The following PHACTR3 variants were observed in gnomAD, a reference collection of about 807,000 sequenced individuals.
PHACTR3 encodes protein phosphatase 1, regulatory subunit 123.
Under a neutral mutation model 66.8 loss-of-function variants are expected in PHACTR3, and 16 were observed. The ratio of observed to expected loss-of-function variants is 0.24; its 90% CI spans 0.16 to 0.36. PHACTR3 has a LOEUF of 0.36. Among genes scored for constraint, PHACTR3 ranks in the 10% least tolerant of loss-of-function variants. The pLI is 1.00. For missense variants in PHACTR3, 647 were observed against 719.9 expected (o/e 0.90, Z 1.16); for synonymous variants, 323 against 292.1 (o/e 1.11, Z -1.08).
chr20:59,684,887 T>C (rs1002482212), intron 1 of PHACTR3, among the ~76,000 whole-genome samples: 1 of 152,178 alleles, frequency 6.6e-6, no homozygotes, highest in African/African-American at 2.4e-5. Context: ...ACTTATTCCA[T>C]GGCCCAGCAT....
chr20:59,638,856 GAT>G (rs2034996242), intron 1 of PHACTR3, among the ~76,000 whole-genome samples: 1 of 149,180 alleles, frequency 6.7e-6, no homozygotes, highest in South Asian at 2.2e-4. Flanking sequence ...TGGCTAGGTA[GAT>G]ATATGAGTGG....
At chr20:59,690,703 G>A (rs535412048) in intron 1 of PHACTR3, among the ~76,000 whole-genome samples, 1 of 152,270 alleles carries the variant, frequency 6.6e-6, no homozygotes, top group East Asian at 1.9e-4. Flanking sequence ...AGCATCTCAT[G>A]GTGGAATAGT....
At chr20:59,608,842 T>A (rs1485701181) in intron 1 of PHACTR3, among the ~76,000 whole-genome samples, 1 of 152,362 alleles carries the variant, frequency 6.6e-6, no homozygotes, top group East Asian at 1.9e-4. Flanking sequence ...CCTGGCACTC[T>A]TCAACACCTG....
chr20:59,716,309 C>T (rs1399148488), intron 1 of PHACTR3, among the ~76,000 whole-genome samples: 3 of 151,012 alleles, frequency 2.0e-5, no homozygotes, highest in Admixed American at 6.6e-5. Context: ...TGCAGTGGTG[C>T]GATCTCGATC....
Position 59,751,319 on chromosome 20 carries a change from C to T in PHACTR3, c.358+3484C>T, listed in dbSNP as rs190308418. On this transcript the variant is annotated intron_variant, in intron 3 of 12. Coordinates refer to ENST00000371015, the MANE Select transcript of PHACTR3 (RefSeq NM_080672.5). ...CTCATGAGCCTCCCTGCAAGGTGGA[C>T]GGGACTTCATGCAGGACAGGCCCTG... 4.8e-3 allele frequency among the ~76,000 whole-genome samples: 738 copies of T among 152,260 alleles called. 8 individuals are homozygous for T. The highest frequency in any genetic ancestry group is 0.016 in the African/African-American group (668 of 41,550).
chr20:59,808,301 C>A (rs544469144), intron 8 of PHACTR3, among the ~76,000 whole-genome samples: 4 of 152,366 alleles, frequency 2.6e-5, no homozygotes, highest in Admixed American at 6.5e-5. Context: ...CATCGGTGGG[C>A]TTTCAGAGGA....
intron 1 of PHACTR3, among the ~76,000 whole-genome samples, chr20:59,669,800 GCCCTCCATT>G (rs2146501880): frequency 1.3e-5 from 2 of 152,324 alleles, no homozygotes; most frequent in South Asian, 4.1e-4. Flanking sequence ...GCATGTGTCA[GCCCTCCATT>G]CCTTTTTATG....
At chr20:59,578,218 C>T (rs2032770191) in intron 1 of PHACTR3, among the ~76,000 whole-genome samples, 1 of 152,204 alleles carries the variant, frequency 6.6e-6, no homozygotes, top group African/African-American at 2.4e-5. Context: ...ATGGCCAGGG[C>T]CCCAGCTGGG....
intron 1 of PHACTR3, among the ~76,000 whole-genome samples, chr20:59,638,441 A>G (rs2034971378): frequency 6.9e-6 from 1 of 145,272 alleles, no homozygotes; most frequent in Non-Finnish European, 1.5e-5. Context: ...ATGATGGCTA[A>G]GTAGATATAT....
At chr20:59,630,927 T>G (rs2034637808) in intron 1 of PHACTR3, among the ~76,000 whole-genome samples, 2 of 151,086 alleles carry the variant, frequency 1.3e-5, no homozygotes, top group Non-Finnish European at 3.0e-5. Flanking sequence ...TAGACAGGGG[T>G]GGTTGGAGGG....
In PHACTR3 at chr20:59,830,992, T is replaced by C. The variant is rs1029969244; in HGVS notation, c.1329-5513T>C. ...TCCTGACTGTCCAGGCTGTCGGCGG[T>C]CTCATCAGCTCCACCTCTAGGCCCC... On this transcript the variant is annotated intron_variant, in intron 8 of 12. Coordinates refer to ENST00000371015, the MANE Select transcript of PHACTR3 (RefSeq NM_080672.5). The surrounding 1 kb of genome is among the most constrained non-coding windows in gnomAD (Gnocchi z 5.8). Among the ~76,000 whole-genome samples, 4 of 152,016 alleles carry C rather than the reference T, an allele frequency of 2.6e-5. No homozygotes were observed. Among genetic ancestry groups the C allele is most frequent in the Non-Finnish European group, 5.9e-5 (4 of 67,980 alleles).
intron 1 of PHACTR3, among the ~76,000 whole-genome samples, chr20:59,589,171 C>T (rs987237144): frequency 6.6e-6 from 1 of 152,244 alleles, no homozygotes; most frequent in African/African-American, 2.4e-5. Context: ...CGGCAGAGCC[C>T]TCTGCCAAAT....
chr20:59,761,486 G>A (rs1445237846), intron 4 of PHACTR3, among the ~76,000 whole-genome samples: 1 of 152,206 alleles, frequency 6.6e-6, no homozygotes, highest in Admixed American at 6.5e-5. Context: ...GGCCACCCTT[G>A]AACTCCAGAA....
chr20:59,699,631 A>G (rs1275952464), intron 1 of PHACTR3, among the ~76,000 whole-genome samples: 1 of 152,200 alleles, frequency 6.6e-6, no homozygotes, highest in Non-Finnish European at 1.5e-5. Context: ...CACTGCCATC[A>G]TGAATACTCT....
intron 1 of PHACTR3, among the ~76,000 whole-genome samples, chr20:59,715,115 C>T (rs1420205694): frequency 6.6e-6 from 1 of 152,008 alleles, no homozygotes; most frequent in Non-Finnish European, 1.5e-5. Context: ...TTCATTTTTT[C>T]CTTTCCGATC....
At chr20:59,774,578 G>A (rs1348456038) in intron 7 of PHACTR3, 88 bp downstream of exon 7, 3 of 1,513,740 alleles carry the variant, frequency 2.0e-6, no homozygotes, top group Non-Finnish European at 2.7e-6. Flanking sequence ...CGTGCCTGGG[G>A]GAGGAACAGG....
intron 1 of PHACTR3, among the ~76,000 whole-genome samples, chr20:59,690,453 A>G (rs2037069120): frequency 6.6e-6 from 1 of 152,030 alleles, no homozygotes; most frequent in Non-Finnish European, 1.5e-5. Context: ...CTCTTCCCCT[A>G]CTGGATTGTC....
intron 1 of PHACTR3, among the ~76,000 whole-genome samples, chr20:59,692,992 T>C (rs1398431783): frequency 6.6e-6 from 1 of 152,172 alleles, no homozygotes; most frequent in African/African-American, 2.4e-5. Flanking sequence ...AAAGCGTCAT[T>C]ATATATGGTG....
chr20:59,831,963 C>T (rs979745293), intron 8 of PHACTR3, among the ~76,000 whole-genome samples: 5 of 152,124 alleles, frequency 3.3e-5, no homozygotes, highest in South Asian at 2.1e-4. Context: ...GCCTGAGTGG[C>T]GACTGTGTGT....
Sources: allele counts gnomAD v4.1 joint callset (sites outside exome capture counted in the v4.1 genomes callset), GRCh38; gene constraint gnomAD v4.1.1; non-coding constraint Gnocchi (gnomAD v3.1); transcripts MANE v1.5; gene names NCBI Gene and HGNC (gene_info 2026-07-23, HGNC 2026-07-21).